Variants in OPHN1 observed in about 807,000 individuals in gnomAD.
The protein encoded by OPHN1 is oligophrenin-1.
In OPHN1, 11 loss-of-function variants were observed where a neutral mutation model predicts 60.7. The ratio of observed to expected loss-of-function variants is 0.18; its 90% CI spans 0.11 to 0.30. The LOEUF is 0.30. OPHN1 is among the 10% of genes least tolerant of loss of function. The pLI, the probability that OPHN1 is intolerant of heterozygous loss-of-function variation, is 1.00. For missense variants in OPHN1, 449 were observed against 611.0 expected (o/e 0.73, Z 2.80); for synonymous variants, 226 against 222.6 (o/e 1.02, Z -0.14).
chrX:68,413,025 C>T (rs1372020178), intron 2 of OPHN1, among the ~76,000 whole-genome samples: 1 of 111,454 alleles, frequency 9.0e-6, no homozygotes, highest in Non-Finnish European at 1.9e-5. Context: ...CCTACAATCA[C>T]AAAAAGCTTC....
Position 68,283,105 on chromosome X carries a change from T to C in OPHN1, c.263A>G (p.Lys88Arg). ...CTCGTTGAGCAATTCAGCAAATTCC[T>C]TGAAGGATTCAGCTGGAAGGAGAGA... ...DDEINIAESF[K>R]EFAELLNEVE... Residue 88 changes from lysine (K) to arginine (R), a missense_variant, in exon 4 of 25, where the codon AAG becomes AGG. This residue lies in a region of OPHN1 where 99 missense variants were observed against 155.2 expected (regional missense o/e 0.64). Coordinates refer to ENST00000355520, the MANE Select transcript of OPHN1 (RefSeq NM_002547.3). The C allele has an allele frequency of 1.7e-6, 2 of 1,203,961 alleles. No individual in the cohort carries two copies. The highest frequency in any genetic ancestry group is 2.3e-6 in the Non-Finnish European group (2 of 888,518).
intron 2 of OPHN1, among the ~76,000 whole-genome samples, chrX:68,423,099 C>T (rs990595223): frequency 2.7e-5 from 3 of 109,810 alleles, no homozygotes; most frequent in Non-Finnish European, 5.7e-5. Context: ...GATCTCGGCT[C>T]ACTGCAAGCT....
chrX:68,385,384 T>C (rs925537132), intron 2 of OPHN1, among the ~76,000 whole-genome samples: 11 of 111,686 alleles, frequency 9.8e-5, no homozygotes, highest in African/African-American at 2.9e-4. Context: ...TCCTGTCCAA[T>C]GCCAAAAGCA....
chrX:68,205,314 G>A (rs1482672711), intron 10 of OPHN1, among the ~76,000 whole-genome samples: 2 of 110,885 alleles, frequency 1.8e-5, no homozygotes, highest in Admixed American at 1.9e-4. Context: ...TGGGTGTGGT[G>A]GTGCACACCT....
chrX:68,188,264 G>C (rs2077472315), intron 15 of OPHN1, among the ~76,000 whole-genome samples: 1 of 112,317 alleles, frequency 8.9e-6, no homozygotes. Flanking sequence ...GAAAATAATA[G>C]AAAAGGAACA....
intron 18 of OPHN1, among the ~76,000 whole-genome samples, chrX:68,100,267 G>GCA (rs2077052752): frequency 1.8e-5 from 2 of 108,733 alleles, no homozygotes; most frequent in South Asian, 7.9e-4. Context: ...ATACATACAC[G>GCA]CACACACACG....
At chrX:68,426,240 A>C (rs923852908) in intron 2 of OPHN1, among the ~76,000 whole-genome samples, 1 of 110,616 alleles carries the variant, frequency 9.0e-6, no homozygotes, top group Non-Finnish European at 1.9e-5. Flanking sequence ...CAGGAGTTCG[A>C]GACCAGCCTG....
chrX:68,390,079 A>G (rs2078646180), intron 2 of OPHN1, among the ~76,000 whole-genome samples: 1 of 110,645 alleles, frequency 9.0e-6, no homozygotes, highest in Non-Finnish European at 1.9e-5. Flanking sequence ...AAACCATCAG[A>G]TCTCATGAGA....
intron 19 of OPHN1, among the ~76,000 whole-genome samples, chrX:68,088,938 G>A (rs753261896): frequency 7.3e-4 from 81 of 111,100 alleles, no homozygotes; most frequent in African/African-American, 2.6e-3. Context: ...AGGGATATCT[G>A]AAGAGCTCAC....
intron 2 of OPHN1, among the ~76,000 whole-genome samples, chrX:68,362,168 T>C (rs778389388): frequency 2.7e-5 from 3 of 112,440 alleles, no homozygotes; most frequent in Non-Finnish European, 3.7e-5. Flanking sequence ...ATTTCATAAG[T>C]TGTCTCCTCA....
intron 2 of OPHN1, among the ~76,000 whole-genome samples, chrX:68,354,788 A>G (rs1280569312): frequency 9.1e-6 from 1 of 110,404 alleles, no homozygotes; most frequent in Non-Finnish European, 1.9e-5. Context: ...AAACGTCATG[A>G]TGAGATAGAA....
chrX:68,330,036 G>A lies in OPHN1; in HGVS notation c.155-30940C>T, dbSNP rs1482553049. The stretch of plus-strand genomic sequence containing the variant: ...TGTATTACCTGTCATTCACATCCCC[G>A]TCTGATTTAATGCTTTCAGTAACAC... On this transcript the variant is annotated intron_variant, in intron 2 of 24. Coordinates refer to ENST00000355520, the MANE Select transcript of OPHN1 (RefSeq NM_002547.3). Among the ~76,000 whole-genome samples the A allele has an allele frequency of 3.6e-5, 4 of 110,255 alleles. 1 individual carries two copies. Among genetic ancestry groups the A allele is most frequent in the Middle Eastern group, 8.7e-3 (2 of 231 alleles).
chrX:68,155,207 A>T (rs1360717384), intron 15 of OPHN1, among the ~76,000 whole-genome samples: 1 of 112,053 alleles, frequency 8.9e-6, no homozygotes, highest in Non-Finnish European at 1.9e-5. Flanking sequence ...TACATAAATC[A>T]GTGGTTCTCT....
At chrX:68,408,695 C>T (rs1253349767) in intron 2 of OPHN1, among the ~76,000 whole-genome samples, 7 of 113,100 alleles carry the variant, frequency 6.2e-5, no homozygotes, top group African/African-American at 2.2e-4. Context: ...GACACAGTGG[C>T]TCATGCCTCT....
chrX:68,212,517 G>A (rs1363596349), intron 7 of OPHN1, among the ~76,000 whole-genome samples: 14 of 111,482 alleles, frequency 1.3e-4, no homozygotes, highest in African/African-American at 3.3e-4. Flanking sequence ...CCCGGGAGGC[G>A]GAGGTTGCAG....
intron 5 of OPHN1, among the ~76,000 whole-genome samples, chrX:68,271,970 A>T (rs867946157): frequency 8.8e-5 from 1 of 11,378 alleles, no homozygotes; most frequent in African/African-American, 3.1e-4. Flanking sequence ...ACCCTGCCCC[A>T]ACCCCGCCTC....
At chrX:68,382,647 G>A (rs1432030292) in intron 2 of OPHN1, among the ~76,000 whole-genome samples, 2 of 111,373 alleles carry the variant, frequency 1.8e-5, no homozygotes, top group Non-Finnish European at 3.8e-5. Flanking sequence ...TTCATAATGG[G>A]TACAAGGTTT....
At chrX:68,076,864 C>T (rs2076955748) in intron 19 of OPHN1, among the ~76,000 whole-genome samples, 1 of 111,698 alleles carries the variant, frequency 9.0e-6, no homozygotes, top group Non-Finnish European at 1.9e-5. Flanking sequence ...TTAAATTAAT[C>T]TCAGAATAAC....
At chrX:68,149,814 AT>A (rs2077278067) in intron 15 of OPHN1, among the ~76,000 whole-genome samples, 1 of 110,690 alleles carries the variant, frequency 9.0e-6, no homozygotes, top group African/African-American at 3.3e-5. Context: ...AAAAAAAAAA[AT>A]TTAAAACAGA....
Sources: allele counts gnomAD v4.1 joint callset (sites outside exome capture counted in the v4.1 genomes callset), GRCh38; gene constraint gnomAD v4.1.1; regional missense constraint gnomAD v4.1.1; transcripts MANE v1.5; gene names NCBI Gene and HGNC (gene_info 2026-07-23, HGNC 2026-07-21).